CAMSAP1: variants seen among roughly 807,000 people sequenced by gnomAD.
The protein encoded by CAMSAP1 is calmodulin-regulated spectrin-associated protein 1.
Under a neutral mutation model 143.5 loss-of-function variants are expected in CAMSAP1, and 58 were observed. The ratio of observed to expected loss-of-function variants is 0.40; its 90% CI spans 0.33 to 0.50. The LOEUF (loss-of-function observed/expected upper bound fraction) is 0.50, where lower values mean the gene tolerates loss of function less well. CAMSAP1 is among the 20% of genes least tolerant of loss of function. The pLI is 0.45. For synonymous variants in CAMSAP1, 945 were observed against 859.3 expected, an observed-to-expected ratio of 1.10 and a Z score of -1.74; for missense variants, 1,969 against 2,115.7, an observed-to-expected ratio of 0.93 and a Z score of 1.36.
In CAMSAP1 at chr9:135,824,356, G is replaced by A. The variant is rs1835594969; in HGVS notation, c.1316-322C>T. Among the ~76,000 whole-genome samples the A allele has an allele frequency of 6.6e-6, 1 of 152,130 alleles. No homozygotes were observed. Among genetic ancestry groups the A allele is most frequent in the Non-Finnish European group, 1.5e-5 (1 of 68,028 alleles). On this transcript the variant is annotated intron_variant, in intron 9 of 16. Transcript: ENST00000389532. This position sits in a 1 kb window ranked among gnomAD's most constrained non-coding sequence, Gnocchi z 4.1. ...GACAACACAAGTTAAAATTTATTTG[G>A]CTACAGTCTTAACTAAAATCACTAC...
intron 1 of CAMSAP1, among the ~76,000 whole-genome samples, chr9:135,890,372 G>C (rs1271435256): frequency 1.3e-5 from 2 of 152,120 alleles, no homozygotes; most frequent in Non-Finnish European, 2.9e-5. Context: ...GGAATCACCA[G>C]GCCAAGTTCA....
Position 135,862,492 on chromosome 9 carries a change from A to G in CAMSAP1, c.783T>C (p.Tyr261=). 1 of 1,551,578 alleles carries G rather than the reference A, an allele frequency of 6.4e-7. No individual in the cohort carries two copies. The highest frequency in any genetic ancestry group is 8.7e-7 in the Non-Finnish European group (1 of 1,146,982). The part of the protein sequence containing the change: ...GAALLAVIHY[Y]CPEQMKLDDI... ...CATCCAGTTTCATCTGCTCTGGGCA[A>G]TAATAGTGAATCACAGCTAAGAGAG... is the stretch of plus-strand genomic sequence containing the variant. The change falls in exon 5 of 17, where the codon TAT becomes TAC. Residue 261 remains tyrosine, a synonymous_variant. Coordinates refer to ENST00000389532, the MANE Select transcript of CAMSAP1 (RefSeq NM_015447.4).
rs372983445 is a variant in CAMSAP1, at chr9:135,815,885, G to A, written c.4387+5C>T. 57 of 1,612,702 alleles carry A rather than the reference G, an allele frequency of 3.5e-5. No homozygotes were observed. In the African/African-American group the frequency reaches 4.7e-4, roughly 13 times the overall value. ...ATGACCTCTAAGGAGGGCGAACGCCGTCACCTGTGTACTCGGCCACTGAGG... is the reference window on the plus strand; with the variant it reads ...ATGACCTCTAAGGAGGGCGAACGCCATCACCTGTGTACTCGGCCACTGAGG... On this transcript the variant is annotated splice_donor_5th_base_variant and intron_variant, in intron 15 of 16. Transcript: ENST00000389532.
At chr9:135,848,902 A>C (rs1836672414) in intron 7 of CAMSAP1, among the ~76,000 whole-genome samples, 1 of 152,242 alleles carries the variant, frequency 6.6e-6, no homozygotes, top group Non-Finnish European at 1.5e-5. Flanking sequence ...AACACTGAAG[A>C]GCTTCAGAGG....
At chr9:135,855,748 TA>T (rs34874470) in intron 5 of CAMSAP1, among the ~76,000 whole-genome samples, 3,781 of 84,720 alleles carry the variant, frequency 0.045, 57 homozygotes, top group African/African-American at 0.062. Context: ...CATCTCAATT[TA>T]AAAAAAAAAA....
intron 7 of CAMSAP1, among the ~76,000 whole-genome samples, chr9:135,830,985 A>C (rs1019015366): frequency 6.6e-6 from 1 of 152,098 alleles, no homozygotes; most frequent in Non-Finnish European, 1.5e-5. Flanking sequence ...AGCCTGGCCA[A>C]CACACTGAAA....
rs1051231303 is a variant in CAMSAP1, at chr9:135,810,344, T to C, written c.*965A>G. On this transcript the variant is annotated 3_prime_UTR_variant, in exon 17 of 17. Transcript: ENST00000389532. Reference sequence around the variant, plus strand: ...TGCAGAATCCAGACAGGACAAGCCGTGACCTAACAAAACCACTGAAGGGAC... The same window carrying C: ...TGCAGAATCCAGACAGGACAAGCCGCGACCTAACAAAACCACTGAAGGGAC... 2 of 152,252 alleles carry C rather than the reference T, an allele frequency of 1.3e-5. No homozygotes were observed. Among genetic ancestry groups the C allele is most frequent in the African/African-American group, 2.4e-5 (1 of 41,472 alleles). The allele number at this position is 152,252 out of a possible 1,614,324, so 9.4% of individuals were successfully genotyped here.
At chr9:135,836,903 TAC>T (rs1319915474) in intron 7 of CAMSAP1, 1 of 982,362 alleles carries the variant, frequency 1.0e-6, no homozygotes, top group African/African-American at 1.8e-5. Context: ...CTACCCATTC[TAC>T]AGACACACGT....
chr9:135,818,752 C>G lies in CAMSAP1; in HGVS notation c.3960-136G>C. The G allele has an allele frequency of 8.4e-7, 1 of 1,183,836 alleles. No individual in the cohort carries two copies. 73.3% of individuals were successfully genotyped at this position (1,183,836 alleles called of 1,614,324 possible). A position where few individuals can be genotyped will look rare whatever the true frequency, so the allele number is the denominator to read the frequency against. ...ACCAAGAGTGGCCAGCCTCCACAAG[C>G]GGGACACAGAGGCTGCAAAGGCAGT... is the stretch of plus-strand genomic sequence containing the variant. On this transcript the variant is annotated intron_variant, in intron 12 of 16. Coordinates refer to ENST00000389532, the MANE Select transcript of CAMSAP1 (RefSeq NM_015447.4). The surrounding 1 kb of genome is among the most constrained non-coding windows in gnomAD (Gnocchi z 7.7).
rs750611432 is a variant in CAMSAP1 at position 135,862,604 on chromosome 9, C to T, written c.671G>A (p.Arg224His). 11 of 1,551,488 alleles carry T rather than the reference C, an allele frequency of 7.1e-6. No individual in the cohort carries two copies. The highest frequency in any genetic ancestry group is 5.2e-6 in the Non-Finnish European group (6 of 1,147,020). Residue 224 changes from arginine to histidine, a missense_variant, in exon 5 of 17, where the codon CGC (arginine) becomes CAC (histidine). This residue lies in a region of CAMSAP1 where 221 missense variants were observed against 298.2 expected (regional missense o/e 0.74). Coordinates refer to ENST00000389532, the MANE Select transcript of CAMSAP1 (RefSeq NM_015447.4). ...LLESPAHQKV[R>H]YRREHLSARQ... is the part of the protein sequence containing the mutation. ...AGCAGAAAGGTGCTCTCGTCGATAG[C>T]GGACCTGTAGTTGATAAAAGGAAAA... is the stretch of plus-strand genomic sequence containing the variant.
intron 7 of CAMSAP1, chr9:135,836,903 T>C (rs1305477726): frequency 1.0e-6 from 1 of 982,362 alleles, no homozygotes; most frequent in Non-Finnish European, 1.2e-6. Context: ...CTACCCATTC[T>C]ACAGACACAC....
At position 135,823,060 on chromosome 9, in the gene CAMSAP1, C is replaced by T. The variant is rs1835542810; in HGVS notation, c.1601G>A (p.Ser534Asn). The change falls in exon 11 of 17, where the codon AGT becomes AAT. Residue 534 changes from serine (S) to asparagine (N), a missense_variant. Ser to Asn is a conservative substitution (Grantham distance 46). This residue lies in a region of CAMSAP1 where 1,390 missense variants were observed against 1,420.8 expected (regional missense o/e 0.98). Transcript: ENST00000389532. ...SHGKSLLSNV[S>N]IEDEEEELVA... ...AAGCTCCTCTTCCTCATCCTCAATACTGACATTGCTCAGGAGGCTCTTCCC... is the reference window on the plus strand; with the variant it reads ...AAGCTCCTCTTCCTCATCCTCAATATTGACATTGCTCAGGAGGCTCTTCCC... The T allele has an allele frequency of 6.2e-7, 1 of 1,614,044 alleles. No homozygotes were observed. Among genetic ancestry groups the T allele is most frequent in the African/African-American group, 1.3e-5 (1 of 75,050 alleles).
intron 4 of CAMSAP1, among the ~76,000 whole-genome samples, chr9:135,864,645 C>T (rs1267343446): frequency 1.3e-5 from 2 of 152,208 alleles, no homozygotes; most frequent in Admixed American, 6.5e-5. Context: ...AATGGGCCAC[C>T]AGGTGGAGCA....
intron 1 of CAMSAP1, among the ~76,000 whole-genome samples, chr9:135,884,178 T>C (rs1838050782): frequency 6.6e-6 from 1 of 152,130 alleles, no homozygotes; most frequent in Non-Finnish European, 1.5e-5. Flanking sequence ...TAGAAAGGAC[T>C]ACCACCTCCA....
rs1188282783 is a variant in CAMSAP1, at chr9:135,818,024, C to T, written c.4224G>A (p.Ala1408=). ...AATGAACGCTCTCGGGTTCTGTCGT[C>T]GCCGCAGAGGCCAAGGACAGGCTGG... ...SGSSLSLASA[A]TTEPESVHSG... is the part of the protein sequence containing the mutation. The change falls in exon 14 of 17, where the codon GCG becomes GCA. Residue 1408 remains alanine (A), a synonymous_variant. Coordinates refer to ENST00000389532, the MANE Select transcript of CAMSAP1 (RefSeq NM_015447.4). The surrounding 1 kb of genome is among the most constrained non-coding windows in gnomAD (Gnocchi z 7.7). 4.3e-6 allele frequency: 7 copies of T among 1,613,960 alleles called. No individual in the cohort carries two copies. In the East Asian group the frequency reaches 1.1e-4, roughly 26 times the overall value.
At chr9:135,865,576 A>G (rs1287113174) in intron 4 of CAMSAP1, among the ~76,000 whole-genome samples, 1 of 152,228 alleles carries the variant, frequency 6.6e-6, no homozygotes, top group South Asian at 2.1e-4. Flanking sequence ...CCACAACACT[A>G]TTCTTTGCAG....
chr9:135,874,835 T>C (rs987070059), intron 3 of CAMSAP1, among the ~76,000 whole-genome samples: 2 of 152,212 alleles, frequency 1.3e-5, no homozygotes, highest in African/African-American at 2.4e-5. Context: ...ATAAAGTTAA[T>C]ATACAAATTA....
intron 16 of CAMSAP1, 84 bp downstream of exon 16, chr9:135,815,013 G>T: frequency 1.1e-6 from 1 of 943,872 alleles, no homozygotes; most frequent in South Asian, 1.5e-5. Flanking sequence ...TCAAAGATTA[G>T]GGGTGTTTTC....
chr9:135,903,251 C>T (rs1838670916), intron 1 of CAMSAP1, among the ~76,000 whole-genome samples: 1 of 152,246 alleles, frequency 6.6e-6, no homozygotes, highest in African/African-American at 2.4e-5. Context: ...AACATCACCA[C>T]AAAATGTGAT....
Sources: allele counts gnomAD v4.1 joint callset (sites outside exome capture counted in the v4.1 genomes callset), GRCh38; gene constraint gnomAD v4.1.1; regional missense constraint gnomAD v4.1.1; non-coding constraint Gnocchi (gnomAD v3.1); transcripts MANE v1.5; gene names NCBI Gene and HGNC (gene_info 2026-07-23, HGNC 2026-07-21).